NIPBL: variants seen among roughly 807,000 people sequenced by gnomAD.
NIPBL encodes the protein nipped-B-like protein.
A neutral mutation model predicts 321.8 loss-of-function variants in NIPBL; 19 were observed. That is an observed-to-expected ratio of 0.06 (90% confidence interval 0.04 to 0.09). The LOEUF is 0.09. NIPBL is among the 10% of genes least tolerant of loss of function. The pLI, the probability that NIPBL is intolerant of heterozygous loss-of-function variation, is 1.00. For missense variants in NIPBL, 2,210 were observed against 3,327.0 expected, an observed-to-expected ratio of 0.66 and a Z score of 8.26; for synonymous variants, 1,106 against 1,114.1, an observed-to-expected ratio of 0.99 and a Z score of 0.14.
chr5:37,022,465 T>A, intron 29 of NIPBL, 75 bp downstream of exon 29: 1 of 1,319,126 alleles, frequency 7.6e-7, no homozygotes, highest in Non-Finnish European at 1.0e-6. Flanking sequence ...TTTAAAGTGT[T>A]AAGTTAGAAA....
chr5:36,911,662 C>T (rs1748061614), intron 1 of NIPBL, among the ~76,000 whole-genome samples: 1 of 152,118 alleles, frequency 6.6e-6, no homozygotes, highest in Non-Finnish European at 1.5e-5. Context: ...GAACATCTTG[C>T]ACATAATATA....
chr5:36,993,050 C>A (rs1209325335), intron 10 of NIPBL, among the ~76,000 whole-genome samples: 1 of 151,974 alleles, frequency 6.6e-6, no homozygotes, highest in Non-Finnish European at 1.5e-5. Context: ...CCCTTTATTT[C>A]TTATCTTTGT....
chr5:36,926,273 G>A (rs1007635152), intron 1 of NIPBL, among the ~76,000 whole-genome samples: 12 of 152,198 alleles, frequency 7.9e-5, no homozygotes, highest in Non-Finnish European at 1.5e-4. Flanking sequence ...TAAAATAACA[G>A]CCATTTTCCT....
At chr5:36,927,304 C>T (rs931082052) in intron 1 of NIPBL, among the ~76,000 whole-genome samples, 1 of 152,070 alleles carries the variant, frequency 6.6e-6, no homozygotes, top group Non-Finnish European at 1.5e-5. Flanking sequence ...AATATCAAGG[C>T]GGATTTTTGG....
intron 1 of NIPBL, among the ~76,000 whole-genome samples, chr5:36,917,557 G>A (rs887658924): frequency 3.9e-5 from 6 of 152,086 alleles, no homozygotes; most frequent in Non-Finnish European, 7.4e-5. Context: ...TTTACATTCG[G>A]TAAATGACAT....
At position 36,962,284 on chromosome 5, in the gene NIPBL, T is replaced by A; in HGVS notation, c.610+10T>A. ...CCACAGATGCAACAAGGTAAGAAAG[T>A]TGTTTGTAACTTCACTGGGAATGTC... is the stretch of plus-strand genomic sequence containing the variant. On this transcript the variant is annotated intron_variant, in intron 6 of 46. Coordinates refer to ENST00000282516, the MANE Select transcript of NIPBL (RefSeq NM_133433.4). The A allele has an allele frequency of 1.2e-6, 2 of 1,614,034 alleles. No individual in the cohort carries two copies. The highest frequency in any genetic ancestry group is 1.7e-6 in the Non-Finnish European group (2 of 1,179,902).
rs750577499 is a variant in NIPBL, at chr5:36,985,918, C to G, written c.2738C>G (p.Pro913Arg). ...SRSDKLGFKS[P>R]TSKDDKRTEG... The stretch of plus-strand genomic sequence containing the variant: ...TCTGATAAACTTGGTTTTAAATCAC[C>G]AACTAGTAAAGATGACAAAAGGACA... The change falls in exon 10 of 47, where the codon CCA becomes CGA. Residue 913 changes from proline to arginine, a missense_variant. Around this residue, in one of 14 missense-constraint regions of NIPBL, gnomAD observed 588 missense variants for 564.1 expected, o/e 1.04. Coordinates refer to ENST00000282516, the MANE Select transcript of NIPBL (RefSeq NM_133433.4). 1 of 1,613,738 alleles carries G rather than the reference C, an allele frequency of 6.2e-7. No individual in the cohort carries two copies. Among genetic ancestry groups the G allele is most frequent in the Non-Finnish European group, 8.5e-7 (1 of 1,179,926 alleles).
Position 37,027,370 on chromosome 5 carries a change from C to T in NIPBL, c.5820C>T (p.Cys1940=), listed in dbSNP as rs772917259. The T allele has an allele frequency of 2.5e-6, 4 of 1,611,686 alleles. No individual in the cohort carries two copies. The highest frequency in any genetic ancestry group is 4.5e-5 in the East Asian group (2 of 44,806). ...ILNITDVVAA[C]RDTGYDWFEQ... is the part of the protein sequence containing the mutation. The stretch of plus-strand genomic sequence containing the variant: ...TTCATCACCCTTAGGTTGCAGCATG[C>T]AGAGATACTGGATATGACTGGTTTG... The change falls in exon 32 of 47, where the codon TGC becomes TGT. Residue 1940 remains cysteine (C), a synonymous_variant. Coordinates refer to ENST00000282516, the MANE Select transcript of NIPBL (RefSeq NM_133433.4).
At chr5:36,978,382 G>C (rs1025734887) in intron 9 of NIPBL, among the ~76,000 whole-genome samples, 2 of 151,952 alleles carry the variant, frequency 1.3e-5, no homozygotes, top group African/African-American at 4.8e-5. Context: ...TTTGTTGGCT[G>C]TGTGTACATC....
Position 36,986,031 on chromosome 5 carries a change from G to A in NIPBL, c.2851G>A (p.Gly951Ser). The A allele has an allele frequency of 6.2e-7, 1 of 1,613,894 alleles. No individual in the cohort carries two copies. The highest frequency in any genetic ancestry group is 1.1e-5 in the South Asian group (1 of 91,074). Residue 951 changes from glycine (G) to serine (S), a missense_variant, in exon 10 of 47, where the codon GGT becomes AGT. This residue lies in a region of NIPBL where 588 missense variants were observed against 564.1 expected (regional missense o/e 1.04). Coordinates refer to ENST00000282516, the MANE Select transcript of NIPBL (RefSeq NM_133433.4). ...AAGTTATTTGTTGGGGGGCAGGTCT[G>A]GTGCGTTGAAAAATTTTGTCATTCC... ...FPSYLLGGRS[G>S]ALKNFVIPKI... is the part of the protein sequence containing the mutation.
Position 37,051,759 on chromosome 5 carries a change from A to ATTTTTTTT in NIPBL, c.6955-16_6955-9dup. On this transcript the variant is annotated intron_variant, in intron 40 of 46. Coordinates refer to ENST00000282516, the MANE Select transcript of NIPBL (RefSeq NM_133433.4). ...ATTTTTACTACCATGATATCTCGTA[A>ATTTTTTTT]TTTTTTTTTTTATTTCCAGTGTGTG... 1 of 1,252,318 alleles carries ATTTTTTTT rather than the reference A, an allele frequency of 8.0e-7. No individual in the cohort carries two copies. Among genetic ancestry groups the ATTTTTTTT allele is most frequent in the Non-Finnish European group, 1.1e-6 (1 of 898,090 alleles). 77.6% of individuals were successfully genotyped at this position (1,252,318 alleles called of 1,614,324 possible). A position where few individuals can be genotyped will look rare whatever the true frequency, so the allele number is the denominator to read the frequency against.
chr5:36,916,049 CTG>C (rs1008523404), intron 1 of NIPBL, among the ~76,000 whole-genome samples: 1 of 152,174 alleles, frequency 6.6e-6, no homozygotes, highest in Non-Finnish European at 1.5e-5. Flanking sequence ...TGGAAATGAA[CTG>C]TCTTTGTCAT....
At chr5:37,032,638 T>C (rs765471835) in intron 32 of NIPBL, among the ~76,000 whole-genome samples, 34 of 151,982 alleles carry the variant, frequency 2.2e-4, no homozygotes, top group Non-Finnish European at 4.4e-4. Context: ...AACTGGGCAT[T>C]GTGGCCTGTG....
Position 37,064,819 on chromosome 5 carries a change from C to G in NIPBL, c.8342C>G (p.Ala2781Gly). 1 of 1,614,142 alleles carries G rather than the reference C, an allele frequency of 6.2e-7. No homozygotes were observed. The highest frequency in any genetic ancestry group is 1.1e-5 in the South Asian group (1 of 91,076). The change falls in exon 47 of 47, where the codon GCT (alanine) becomes GGT (glycine). Residue 2781 changes from alanine (A) to glycine (G), a missense_variant. By Grantham distance (60) the Ala-to-Gly change is moderately conservative (BLOSUM62 0). Transcript: ENST00000282516. ...TACAAAAAAATTGCTCTAACGAGTG[C>G]TAATAAGCTGACTAATAAAGTTGTT... ...IIYKKIALTS[A>G]NKLTNKVVQT...
At position 37,038,838 on chromosome 5, in the gene NIPBL, A is replaced by G. The variant is rs754352209; in HGVS notation, c.6108+100A>G. The G allele has an allele frequency of 1.0e-5, 12 of 1,185,990 alleles. No homozygotes were observed. The Middle Eastern group carries it at 8.2e-4, about 82-fold the overall frequency. 73.5% of individuals were successfully genotyped at this position (1,185,990 alleles called of 1,614,324 possible). On this transcript the variant is annotated intron_variant, in intron 34 of 46. Transcript: ENST00000282516. ...CAACCACATTCTCACTGACAGATCA[A>G]CTGTGTCATTTACTTAGATATATGT...
intron 1 of NIPBL, among the ~76,000 whole-genome samples, chr5:36,907,155 G>A (rs1747701695): frequency 6.6e-6 from 1 of 152,160 alleles, no homozygotes; most frequent in Non-Finnish European, 1.5e-5. Context: ...ATCTGGAGTA[G>A]GGTTTGAGAG....
At chr5:36,971,865 G>T in intron 7 of NIPBL, 80 bp from the exon 8 acceptor site, 1 of 1,521,672 alleles carries the variant, frequency 6.6e-7, no homozygotes, top group Admixed American at 1.9e-5. Flanking sequence ...AGTAATTTAT[G>T]TCTCTTATTG....
At chr5:37,001,232 T>A (rs1358857399) in intron 14 of NIPBL, among the ~76,000 whole-genome samples, 154 bp downstream of exon 14, 3 of 152,166 alleles carry the variant, frequency 2.0e-5, no homozygotes, top group Non-Finnish European at 2.9e-5. Context: ...AACTTTCTAG[T>A]CTGTTATTTG....
intron 1 of NIPBL, among the ~76,000 whole-genome samples, chr5:36,941,097 A>G (rs1356744149): frequency 6.6e-6 from 1 of 152,130 alleles, no homozygotes; most frequent in African/African-American, 2.4e-5. Flanking sequence ...AAATTCAGGA[A>G]ACCAGATAAT....
Sources: allele counts gnomAD v4.1 joint callset (sites outside exome capture counted in the v4.1 genomes callset), GRCh38; gene constraint gnomAD v4.1.1; regional missense constraint gnomAD v4.1.1; transcripts MANE v1.5; gene names NCBI Gene and HGNC (gene_info 2026-07-23, HGNC 2026-07-21).